BARD1: variants seen among roughly 807,000 people sequenced by gnomAD.
BARD1 encodes the protein BRCA1-associated RING domain protein 1.
BARD1 carries 73 observed loss-of-function variants against 77.0 expected under a neutral mutation model. That is an observed-to-expected ratio of 0.95 (90% CI 0.79 to 1.15). The LOEUF is 1.15. BARD1 is among the 50% of genes most tolerant of loss of function. The pLI is 0.00. For synonymous variants in BARD1, 384 were observed against 338.0 expected, an observed-to-expected ratio of 1.14 and a Z score of -1.49; for missense variants, 993 against 938.8, an observed-to-expected ratio of 1.06 and a Z score of -0.75.
chr2:214,768,544 C>G (rs1694322271), intron 5 of BARD1, among the ~76,000 whole-genome samples: 1 of 150,044 alleles, frequency 6.7e-6, no homozygotes. Context: ...TTGCACCTAG[C>G]CTACTGAGAG....
intron 3 of BARD1, among the ~76,000 whole-genome samples, chr2:214,781,973 T>G (rs1314224538): frequency 1.3e-5 from 2 of 152,116 alleles, no homozygotes; most frequent in Admixed American, 6.6e-5. Flanking sequence ...GGCTTGTTTG[T>G]AAAACTCGAC....
intron 9 of BARD1, among the ~76,000 whole-genome samples, chr2:214,733,194 T>G (rs760873822): frequency 7.2e-5 from 11 of 152,160 alleles, no homozygotes; most frequent in Non-Finnish European, 1.5e-4. Flanking sequence ...TCTTCCTATA[T>G]CATATTTATA....
intron 9 of BARD1, among the ~76,000 whole-genome samples, chr2:214,743,188 T>C (rs1409714226): frequency 6.6e-6 from 1 of 152,202 alleles, no homozygotes; most frequent in Admixed American, 6.5e-5. Context: ...AAGTGGTAGC[T>C]GTATTTGAAA....
rs1188748721 is a variant in BARD1 at position 214,731,303 on chromosome 2, C to T, written c.1904-795G>A. On this transcript the variant is annotated intron_variant, in intron 9 of 10. Coordinates refer to ENST00000260947, the MANE Select transcript of BARD1 (RefSeq NM_000465.4). ...TAGGGCCACTGGCTGGCAGCCAGTA[C>T]CAATTGTCTCGCTAGGCTCTAGAAA... Among the ~76,000 whole-genome samples the T allele has an allele frequency of 2.6e-5, 4 of 152,274 alleles. No homozygotes were observed. The South Asian group carries it at 8.3e-4, about 32-fold the overall frequency.
Position 214,752,553 on chromosome 2 carries a change from T to C in BARD1, c.1571A>G (p.Asn524Ser), listed in dbSNP as rs587781887. ...ATCGACAGGCCGCAGACCAAATATA[T>C]TACTGGTAAAATAAGTGCAGATGTG... ...LSYGASRNAV[N>S]IFGLRPVDYT... is the part of the protein sequence containing the mutation. Residue 524 changes from asparagine to serine, a missense_variant and splice_region_variant, in exon 7 of 11, where the codon AAT becomes AGT. Asn to Ser is a conservative substitution (Grantham distance 46). Transcript: ENST00000260947. The C allele has an allele frequency of 3.7e-6, 6 of 1,611,276 alleles. No homozygotes were observed. The highest frequency in any genetic ancestry group is 1.3e-5 in the African/African-American group (1 of 74,834).
chr2:214,785,740 AAAG>A (rs1239070420), intron 3 of BARD1, among the ~76,000 whole-genome samples: 2 of 151,956 alleles, frequency 1.3e-5, no homozygotes, highest in Non-Finnish European at 2.9e-5. Context: ...AAAGAAAGAA[AAAG>A]AAGAACATTA....
Position 214,780,687 on chromosome 2 carries a change from G to A in BARD1, c.1187C>T (p.Pro396Leu). The A allele has an allele frequency of 6.2e-7, 1 of 1,614,112 alleles. No individual in the cohort carries two copies. Among genetic ancestry groups the A allele is most frequent in the South Asian group, 1.1e-5 (1 of 91,082 alleles). The change falls in exon 4 of 11, where the codon CCT becomes CTT. Residue 396 changes from proline to leucine, a missense_variant. Coordinates refer to ENST00000260947, the MANE Select transcript of BARD1 (RefSeq NM_000465.4). ...EFISLSPGTP[P>L]STLSSSSYRR... Reference sequence around the variant, plus strand: ...GTAACTTGAACTACTTAATGTAGAAGGTGGTGTACCTGGTGAAAGACTAAT... The same window carrying A: ...GTAACTTGAACTACTTAATGTAGAAAGTGGTGTACCTGGTGAAAGACTAAT...
chr2:214,788,082 A>G (rs1179657651), intron 3 of BARD1, among the ~76,000 whole-genome samples: 1 of 152,060 alleles, frequency 6.6e-6, no homozygotes, highest in East Asian at 1.9e-4. Context: ...AAAAAGTCAT[A>G]GCATATATGA....
At chr2:214,776,167 T>C (rs2106097634) in intron 4 of BARD1, among the ~76,000 whole-genome samples, 1 of 152,282 alleles carries the variant, frequency 6.6e-6, no homozygotes, top group African/African-American at 2.4e-5. Flanking sequence ...AAGTCATTGC[T>C]GTGGCATAAA....
intron 3 of BARD1, among the ~76,000 whole-genome samples, chr2:214,786,577 T>C (rs1695287034): frequency 6.7e-6 from 1 of 150,278 alleles, no homozygotes; most frequent in Non-Finnish European, 1.5e-5. Flanking sequence ...AAACAGGCTT[T>C]GAAAAATAAA....
rs983253547 is a variant in BARD1, at chr2:214,809,662, C to T, written c.-93G>A. On this transcript the variant is annotated 5_prime_UTR_variant, in exon 1 of 11. Coordinates refer to ENST00000260947, the MANE Select transcript of BARD1 (RefSeq NM_000465.4). The stretch of plus-strand genomic sequence containing the variant: ...AAGCTGCAGGCCAGCGACTCGAAAC[C>T]GGCCAAGCTCTTCCCGCGTCTGGGA... 6.8e-7 allele frequency: 1 copy of T among 1,468,480 alleles called. No individual in the cohort carries two copies. The highest frequency in any genetic ancestry group is 2.5e-5 in the East Asian group (1 of 39,726). The allele number at this position is 1,468,480 out of a possible 1,614,324, so 91.0% of individuals were successfully genotyped here. A position where few individuals can be genotyped will look rare whatever the true frequency, so the allele number is the denominator to read the frequency against.
rs1064793050 is a variant in BARD1, at chr2:214,780,976, G to C, written c.898C>G (p.Pro300Ala). 1 of 1,613,534 alleles carries C rather than the reference G, an allele frequency of 6.2e-7. No homozygotes were observed. The highest frequency in any genetic ancestry group is 1.3e-5 in the African/African-American group (1 of 74,980). The change falls in exon 4 of 11, where the codon CCT (proline) becomes GCT (alanine). Residue 300 changes from proline to alanine, a missense_variant. Physicochemically the swap from Pro to Ala is conservative, Grantham distance 27. Transcript: ENST00000260947. ...AGATAATTTTTGCAGACCTTCTCAG[G>C]AGTCACTACTTCATTCCTGCTCTTA... is the stretch of plus-strand genomic sequence containing the variant. ...DTKSRNEVVTPEKVCKNYLTS... is the reference protein window; with the variant it reads ...DTKSRNEVVTAEKVCKNYLTS...
intron 6 of BARD1, among the ~76,000 whole-genome samples, chr2:214,758,666 C>T (rs10221582): frequency 0.45 from 68,410 of 151,986 alleles, 15,556 homozygotes; most frequent in South Asian, 0.5. Flanking sequence ...ACTAGGAATC[C>T]TTCTGATCCT....
At chr2:214,762,889 C>A (rs931051778) in intron 6 of BARD1, among the ~76,000 whole-genome samples, 1 of 128,448 alleles carries the variant, frequency 7.8e-6, no homozygotes, top group Non-Finnish European at 1.6e-5. Flanking sequence ...ACCCCACCCC[C>A]CTCCCACCAC....
At chr2:214,746,947 A>C (rs1176185164) in intron 7 of BARD1, among the ~76,000 whole-genome samples, 1 of 152,190 alleles carries the variant, frequency 6.6e-6, no homozygotes, top group Admixed American at 6.5e-5. Context: ...AATTTTTGCA[A>C]CCTACTCATC....
At chr2:214,756,223 G>A (rs1008829590) in intron 6 of BARD1, among the ~76,000 whole-genome samples, 4 of 152,016 alleles carry the variant, frequency 2.6e-5, no homozygotes, top group Non-Finnish European at 5.9e-5. Context: ...ACCAGATCTG[G>A]TTGTTTAAAA....
chr2:214,744,442 A>G (rs974015567), intron 9 of BARD1, among the ~76,000 whole-genome samples: 1 of 152,224 alleles, frequency 6.6e-6, no homozygotes, highest in African/African-American at 2.4e-5. Context: ...TATTTAAAAC[A>G]TGTGTTATTA....
chr2:214,732,395 T>C (rs1257745564), intron 9 of BARD1, among the ~76,000 whole-genome samples: 2 of 151,970 alleles, frequency 1.3e-5, no homozygotes, highest in African/African-American at 2.4e-5. Flanking sequence ...TGATTTTTTT[T>C]TCTTTTTTTT....
At chr2:214,802,964 T>C (rs1415477711) in intron 1 of BARD1, among the ~76,000 whole-genome samples, 2 of 152,170 alleles carry the variant, frequency 1.3e-5, no homozygotes, top group Non-Finnish European at 2.9e-5. Flanking sequence ...GAGACTCCAT[T>C]TTATTCTGTA....
Sources: allele counts gnomAD v4.1 joint callset (sites outside exome capture counted in the v4.1 genomes callset), GRCh38; gene constraint gnomAD v4.1.1; transcripts MANE v1.5; gene names NCBI Gene and HGNC (gene_info 2026-07-23, HGNC 2026-07-21).